Variants in MTHFD1L observed in about 807,000 individuals in gnomAD.
MTHFD1L encodes the protein methylenetetrahydrofolate dehydrogenase (NADP+ dependent) 1 like.
Under a neutral mutation model 119.5 loss-of-function variants are expected in MTHFD1L, and 81 were observed. That is an observed-to-expected ratio of 0.68 (90% CI 0.57 to 0.82). The LOEUF is 0.82. Ranked by LOEUF, MTHFD1L falls within the 40% of genes least tolerant of loss-of-function variation. MTHFD1L has a pLI of 0.00. For synonymous variants in MTHFD1L, 430 were observed against 475.2 expected (o/e 0.90, Z 1.24); for missense variants, 1,125 against 1,253.4 (o/e 0.90, Z 1.55).
chr6:150,866,155 T>C lies in MTHFD1L; in HGVS notation c.227+106T>C, dbSNP rs900834068. The stretch of plus-strand genomic sequence containing the variant: ...GGGGAGCGGGGCGCGGGGCTGCGAG[T>C]GTTTGGTGCCAACTCATTAGGGGGG... On this transcript the variant is annotated intron_variant, in intron 1 of 27. Coordinates refer to ENST00000367321, the MANE Select transcript of MTHFD1L (RefSeq NM_015440.5). 2.9e-6 allele frequency: 4 copies of C among 1,395,878 alleles called. No homozygotes were observed. The African/African-American group carries it at 4.6e-5, about 16-fold the overall frequency. The allele number at this position is 1,395,878 out of a possible 1,614,324, so 86.5% of individuals were successfully genotyped here.
At position 150,935,113 on chromosome 6, in the gene MTHFD1L, A is replaced by G. The variant is rs1057207848; in HGVS notation, c.1257-1691A>G. ...AGTTCAATGAATTTGTAAATACCAT[A>G]CCTACCAAAGGATTTAACACTGAGA... is the stretch of plus-strand genomic sequence containing the variant. On this transcript the variant is annotated intron_variant, in intron 11 of 27. Coordinates refer to ENST00000367321, the MANE Select transcript of MTHFD1L (RefSeq NM_015440.5). 7 of 1,613,798 alleles carry G rather than the reference A, an allele frequency of 4.3e-6. No individual in the cohort carries two copies. The African/African-American group carries it at 8.0e-5, about 18-fold the overall frequency.
intron 26 of MTHFD1L, among the ~76,000 whole-genome samples, chr6:151,054,480 T>C (rs1057297957): frequency 8.5e-5 from 13 of 152,160 alleles, no homozygotes; most frequent in African/African-American, 3.1e-4. Flanking sequence ...TCATCCGAAG[T>C]GCACGAGTCC....
Position 150,887,965 on chromosome 6 carries a change from G to A in MTHFD1L, c.764G>A (p.Arg255His), listed in dbSNP as rs1207817931. ...SMTMSIQWKT[R>H]QLQSKLHEAD... ...ACAATGAGCATCCAGTGGAAAACAC[G>A]CCAGCTTCAAAGCAAGGTAAATTTC... Residue 255 changes from arginine to histidine, a missense_variant, in exon 7 of 28, where the codon CGC (arginine) becomes CAC (histidine). By Grantham distance (29) the Arg-to-His change is conservative. Transcript: ENST00000367321. 12 of 1,603,022 alleles carry A rather than the reference G, an allele frequency of 7.5e-6. No homozygotes were observed. The highest frequency in any genetic ancestry group is 1.7e-4 in the Middle Eastern group (1 of 6,012).
chr6:150,979,827 T>A (rs563733808), intron 20 of MTHFD1L, among the ~76,000 whole-genome samples: 14 of 152,300 alleles, frequency 9.2e-5, no homozygotes, highest in African/African-American at 3.4e-4. Flanking sequence ...ATCAGTCTTC[T>A]TGGCCTTCAG....
chr6:151,046,471 GTATATATATATA>G lies in MTHFD1L; in HGVS notation c.2847+9387_2847+9398del, dbSNP rs1156377344. On this transcript the variant is annotated intron_variant, in intron 26 of 27. Transcript: ENST00000367321. ...ATATATATATATAATATGTGTGTGT[GTATATATATATA>G]TATATATATATATATATATATATAT... 9.4e-3 allele frequency among the ~76,000 whole-genome samples: 344 copies of G among 36,444 alleles called. 7 individuals are homozygous for G. Among genetic ancestry groups the G allele is most frequent in the East Asian group, 0.031 (40 of 1,270 alleles). The allele number at this position is 36,444 out of a possible 152,430, so 23.9% of individuals were successfully genotyped here.
chr6:150,930,936 A>G lies in MTHFD1L; in HGVS notation c.1256+4641A>G, dbSNP rs13204328. On this transcript the variant is annotated intron_variant, in intron 11 of 27. Transcript: ENST00000367321. Reference sequence around the variant, plus strand: ...TACATATCGCATGGTATTTACACCTACACATCACTTTATTTGCTTTGCCTG... The same window carrying G: ...TACATATCGCATGGTATTTACACCTGCACATCACTTTATTTGCTTTGCCTG... Among the ~76,000 whole-genome samples the G allele has an allele frequency of 2.0e-5, 3 of 152,220 alleles. No homozygotes were observed. The East Asian group carries it at 5.8e-4, about 29-fold the overall frequency.
At chr6:151,053,278 A>G (rs550619959) in intron 26 of MTHFD1L, among the ~76,000 whole-genome samples, 1 of 152,144 alleles carries the variant, frequency 6.6e-6, no homozygotes, top group East Asian at 1.9e-4. Flanking sequence ...TTTTTATGGC[A>G]TGGTTGACAC....
At chr6:150,869,425 G>C (rs920241071) in intron 1 of MTHFD1L, among the ~76,000 whole-genome samples, 1 of 152,152 alleles carries the variant, frequency 6.6e-6, no homozygotes, top group Non-Finnish European at 1.5e-5. Flanking sequence ...AGAACATGGG[G>C]TGTTTGGTTT....
At position 150,944,586 on chromosome 6, in the gene MTHFD1L, C is replaced by T; in HGVS notation, c.1541C>T (p.Thr514Ile). 1.2e-6 allele frequency: 2 copies of T among 1,612,532 alleles called. No homozygotes were observed. Among genetic ancestry groups the T allele is most frequent in the Non-Finnish European group, 1.7e-6 (2 of 1,178,840 alleles). Residue 514 changes from threonine to isoleucine, a missense_variant, in exon 14 of 28, where the codon ACA (threonine) becomes ATA (isoleucine). Coordinates refer to ENST00000367321, the MANE Select transcript of MTHFD1L (RefSeq NM_015440.5). The stretch of plus-strand genomic sequence containing the variant: ...AGGATTCTTCATGAAAACACGCAAA[C>T]AGATAAGGTGAGAAGGATGCCTTGC... ...DTRILHENTQ[T>I]DKALYNRLVP... is the part of the protein sequence containing the mutation.
chr6:151,092,358 C>A, intron 26 of MTHFD1L, 109 bp from the exon 27 acceptor site: 2 of 777,636 alleles, frequency 2.6e-6, no homozygotes, highest in South Asian at 3.7e-5. Flanking sequence ...CCATATAAAA[C>A]CTAAAGTTCT....
intron 26 of MTHFD1L, among the ~76,000 whole-genome samples, chr6:151,054,577 AC>A (rs1320998822): frequency 6.6e-6 from 1 of 152,194 alleles, no homozygotes; most frequent in African/African-American, 2.4e-5. Context: ...TACTTTAAAA[AC>A]AAAAACTCGG....
chr6:150,948,080 T>C (rs1794282609), intron 15 of MTHFD1L, among the ~76,000 whole-genome samples: 1 of 152,144 alleles, frequency 6.6e-6, no homozygotes, highest in Non-Finnish European at 1.5e-5. Flanking sequence ...CAATCTTGGC[T>C]CACTGCAACT....
chr6:150,873,680 T>G (rs1007910580), intron 1 of MTHFD1L, among the ~76,000 whole-genome samples: 2 of 152,040 alleles, frequency 1.3e-5, no homozygotes, highest in Non-Finnish European at 2.9e-5. Flanking sequence ...GAACTGTTAT[T>G]TTTTTTGAGA....
intron 26 of MTHFD1L, among the ~76,000 whole-genome samples, chr6:151,074,648 C>T (rs1047677533): frequency 5.3e-5 from 8 of 152,200 alleles, no homozygotes; most frequent in African/African-American, 1.9e-4. Flanking sequence ...TATACAACAG[C>T]AGTTCCATCA....
intron 16 of MTHFD1L, among the ~76,000 whole-genome samples, chr6:150,950,131 G>A (rs1168783543): frequency 2.0e-5 from 3 of 152,172 alleles, no homozygotes; most frequent in Non-Finnish European, 4.4e-5. Context: ...CATTAACAGA[G>A]ATATCCCGTT....
chr6:151,028,527 A>G (rs994246102), intron 24 of MTHFD1L, among the ~76,000 whole-genome samples: 2 of 152,116 alleles, frequency 1.3e-5, no homozygotes, highest in Non-Finnish European at 2.9e-5. Context: ...CCTTGAGAAC[A>G]TTATGCTAAA....
intron 27 of MTHFD1L, among the ~76,000 whole-genome samples, chr6:151,097,526 CT>C (rs1794980010): frequency 6.6e-6 from 1 of 152,140 alleles, no homozygotes; most frequent in Non-Finnish European, 1.5e-5. Context: ...CATGTTCTCA[CT>C]CTCATGTGGA....
At chr6:151,079,397 T>A (rs1792894490) in intron 26 of MTHFD1L, among the ~76,000 whole-genome samples, 1 of 152,088 alleles carries the variant, frequency 6.6e-6, no homozygotes, top group Non-Finnish European at 1.5e-5. Context: ...GGAGTGGGAA[T>A]GCCACTGGGG....
At chr6:150,882,213 C>T (rs562912358) in intron 4 of MTHFD1L, among the ~76,000 whole-genome samples, 1 of 152,140 alleles carries the variant, frequency 6.6e-6, no homozygotes, top group East Asian at 1.9e-4. Context: ...CTAGCATAAG[C>T]CTTTGGAAAG....
Sources: allele counts gnomAD v4.1 joint callset (sites outside exome capture counted in the v4.1 genomes callset), GRCh38; gene constraint gnomAD v4.1.1; transcripts MANE v1.5; gene names NCBI Gene and HGNC (gene_info 2026-07-23, HGNC 2026-07-21).